Variants in UNC5D observed in about 807,000 individuals in gnomAD.
The protein encoded by UNC5D is unc-5 netrin receptor D, also known as netrin receptor UNC5D.
Under a neutral mutation model 105.4 loss-of-function variants are expected in UNC5D, and 39 were observed. The ratio of observed to expected loss-of-function variants is 0.37; its 90% CI spans 0.29 to 0.48. UNC5D has a LOEUF of 0.48. Among genes scored for constraint, UNC5D ranks in the 20% least tolerant of loss-of-function variants. The pLI, the probability that UNC5D is intolerant of heterozygous loss-of-function variation, is 0.98. For missense variants in UNC5D, 991 were observed against 1,202.4 expected (o/e 0.82, Z 2.60); for synonymous variants, 452 against 450.4 (o/e 1.00, Z -0.04).
In UNC5D at chr8:35,283,626, T is replaced by C. The variant is rs944212026; in HGVS notation, c.103+47739T>C. Among the ~76,000 whole-genome samples, 5 of 151,414 alleles carry C rather than the reference T, an allele frequency of 3.3e-5. No individual in the cohort carries two copies. In the South Asian group the frequency reaches 1.1e-3, roughly 32 times the overall value. On this transcript the variant is annotated intron_variant, in intron 1 of 16. Coordinates refer to ENST00000404895, the MANE Select transcript of UNC5D (RefSeq NM_080872.4). ...AAATACAAAATTACAAAACCCTGTC[T>C]CTCCTAAAAATACTAAAAAATACAA...
chr8:35,567,842 G>C (rs1482018800), intron 2 of UNC5D, among the ~76,000 whole-genome samples: 3 of 152,184 alleles, frequency 2.0e-5, no homozygotes, highest in Non-Finnish European at 4.4e-5. Context: ...ACAGCACTAA[G>C]TCAAGGTGCT....
At chr8:35,575,148 G>C (rs771763837) in intron 3 of UNC5D, among the ~76,000 whole-genome samples, 1 of 151,910 alleles carries the variant, frequency 6.6e-6, no homozygotes, top group Non-Finnish European at 1.5e-5. Flanking sequence ...AAAATACCCC[G>C]AATGATAGTT....
intron 4 of UNC5D, among the ~76,000 whole-genome samples, chr8:35,657,080 G>GTGTATATA (rs1281641556): frequency 6.0e-4 from 28 of 46,506 alleles, no homozygotes; most frequent in East Asian, 1.2e-3. Flanking sequence ...GTGTGTGTGT[G>GTGTATATA]TATATATATA....
intron 1 of UNC5D, among the ~76,000 whole-genome samples, chr8:35,481,609 C>T (rs1810487293): frequency 6.6e-6 from 1 of 152,038 alleles, no homozygotes; most frequent in African/African-American, 2.4e-5. Flanking sequence ...CTTTGTCAAC[C>T]TTTGAGTTCA....
At chr8:35,512,528 C>T (rs1331328130) in intron 1 of UNC5D, among the ~76,000 whole-genome samples, 35 of 30,360 alleles carry the variant, frequency 1.2e-3, no homozygotes, top group African/African-American at 1.7e-3. Context: ...ATTATATATT[C>T]AGATATGTAT....
At chr8:35,536,264 C>T (rs1349506696) in intron 1 of UNC5D, among the ~76,000 whole-genome samples, 1 of 152,206 alleles carries the variant, frequency 6.6e-6, no homozygotes, top group Non-Finnish European at 1.5e-5. Context: ...GACACTATTA[C>T]CATGTGGTGT....
chr8:35,405,864 A>G (rs1008712209), intron 1 of UNC5D, among the ~76,000 whole-genome samples: 6 of 152,326 alleles, frequency 3.9e-5, no homozygotes, highest in African/African-American at 1.4e-4. Flanking sequence ...TAAAAATAAT[A>G]TCTATGTGAA....
chr8:35,612,723 C>CTTTTTTTTTTTTTTTTTTTTTTTTTTTTT (rs57450378), intron 4 of UNC5D, among the ~76,000 whole-genome samples: 4 of 64,746 alleles, frequency 6.2e-5, no homozygotes, highest in Non-Finnish European at 1.0e-4. Flanking sequence ...AATGTTTTGC[C>CTTTTTTTTTTTTTTTTTTTTTTTTTTTTT]TTTTTTTTTT....
At chr8:35,748,418 G>C in intron 11 of UNC5D, 109 bp from the exon 12 acceptor site, 1 of 1,166,980 alleles carries the variant, frequency 8.6e-7, no homozygotes. Flanking sequence ...ATCCTGGAAA[G>C]GAATATTTAT....
chr8:35,538,828 G>T lies in UNC5D; in HGVS notation c.104-10464G>T, dbSNP rs115696560. Among the ~76,000 whole-genome samples the T allele has an allele frequency of 2.9e-3, 443 of 152,176 alleles. 3 individuals carry two copies. Among genetic ancestry groups the T allele is most frequent in the African/African-American group, 0.01 (423 of 41,526 alleles). On this transcript the variant is annotated intron_variant, in intron 1 of 16. Coordinates refer to ENST00000404895, the MANE Select transcript of UNC5D (RefSeq NM_080872.4). ...TTTATGGGATGTAGGCCAAAAAACAGTCTTGGGGCCAAGCAATAAGTCTGT... is the reference window on the plus strand; with the variant it reads ...TTTATGGGATGTAGGCCAAAAAACATTCTTGGGGCCAAGCAATAAGTCTGT...
chr8:35,745,537 C>G (rs1829958277), intron 11 of UNC5D, among the ~76,000 whole-genome samples: 1 of 152,206 alleles, frequency 6.6e-6, no homozygotes, highest in Non-Finnish European at 1.5e-5. Context: ...AAAGCGTACA[C>G]TGATGCAATG....
At chr8:35,308,078 A>G (rs1808566718) in intron 1 of UNC5D, among the ~76,000 whole-genome samples, 1 of 151,642 alleles carries the variant, frequency 6.6e-6, no homozygotes, top group African/African-American at 2.4e-5. Context: ...TATAACCAAA[A>G]GAGATTCCTA....
chr8:35,715,066 A>G (rs1008004474), intron 8 of UNC5D, among the ~76,000 whole-genome samples: 7 of 152,190 alleles, frequency 4.6e-5, no homozygotes, highest in Non-Finnish European at 1.0e-4. Flanking sequence ...CAGGAGAATC[A>G]CTTGAACCCA....
At chr8:35,310,978 A>G (rs566036831) in intron 1 of UNC5D, among the ~76,000 whole-genome samples, 1 of 152,300 alleles carries the variant, frequency 6.6e-6, no homozygotes, top group South Asian at 2.1e-4. Context: ...GACTAGATAC[A>G]GTGTCCACCC....
chr8:35,438,116 CAAAA>C (rs1223936638), intron 1 of UNC5D, among the ~76,000 whole-genome samples: 105 of 151,236 alleles, frequency 6.9e-4, no homozygotes, highest in African/African-American at 2.4e-3. Context: ...AACAAACAAA[CAAAA>C]AACAAAAAAA....
Position 35,549,326 on chromosome 8 carries a change from C to G in UNC5D, c.138C>G (p.Ile46Met). ...ATGGCGAAGCCCTTCCCGAATCCAT[C>G]CCATCAGCTCCTGGGACACTGCCTC... ...TDNGEALPESIPSAPGTLPHF... is the reference protein window; with the variant it reads ...TDNGEALPESMPSAPGTLPHF... The change falls in exon 2 of 17, where the codon ATC (isoleucine) becomes ATG (methionine). Residue 46 changes from isoleucine (I) to methionine (M), a missense_variant. Physicochemically the swap from Ile to Met is conservative, Grantham distance 10. This residue lies in a region of UNC5D where 944 missense variants were observed against 1,131.6 expected (regional missense o/e 0.83). Transcript: ENST00000404895. 6.2e-7 allele frequency: 1 copy of G among 1,613,436 alleles called. No homozygotes were observed. Among genetic ancestry groups the G allele is most frequent in the Non-Finnish European group, 8.5e-7 (1 of 1,180,040 alleles).
At chr8:35,495,518 AATTTGTGT>A (rs1315084746) in intron 1 of UNC5D, among the ~76,000 whole-genome samples, 7 of 151,964 alleles carry the variant, frequency 4.6e-5, no homozygotes, top group Admixed American at 3.9e-4. Context: ...AAAGTTTACA[AATTTGTGT>A]TGGGCCCCAT....
At chr8:35,388,084 G>T (rs539172959) in intron 1 of UNC5D, among the ~76,000 whole-genome samples, 2 of 152,198 alleles carry the variant, frequency 1.3e-5, no homozygotes, top group African/African-American at 4.8e-5. Flanking sequence ...TATTAAGAAG[G>T]AAGTCTTGGT....
intron 1 of UNC5D, among the ~76,000 whole-genome samples, chr8:35,498,440 A>G (rs1363583431): frequency 6.6e-6 from 1 of 152,158 alleles, no homozygotes; most frequent in Non-Finnish European, 1.5e-5. Context: ...CCATAGCTGA[A>G]TGTTGACTAG....
Sources: allele counts gnomAD v4.1 joint callset (sites outside exome capture counted in the v4.1 genomes callset), GRCh38; gene constraint gnomAD v4.1.1; regional missense constraint gnomAD v4.1.1; transcripts MANE v1.5; gene names NCBI Gene and HGNC (gene_info 2026-07-23, HGNC 2026-07-21).